Variants in SEMA3D observed in about 807,000 individuals in gnomAD.
SEMA3D encodes the protein semaphorin 3D.
Under a neutral mutation model 100.1 loss-of-function variants are expected in SEMA3D, and 84 were observed. The ratio of observed to expected loss-of-function variants is 0.84; its 90% CI spans 0.70 to 1.01. SEMA3D has a LOEUF of 1.01. Among genes scored for constraint, SEMA3D ranks in the 50% least tolerant of loss-of-function variants. SEMA3D has a pLI of 0.00. For missense variants in SEMA3D, 875 were observed against 934.1 expected, an observed-to-expected ratio of 0.94 and a Z score of 0.82; for synonymous variants, 312 against 320.7, an observed-to-expected ratio of 0.97 and a Z score of 0.29.
chr7:85,012,298 T>C (rs1255558194), intron 17 of SEMA3D, among the ~76,000 whole-genome samples: 1 of 151,768 alleles, frequency 6.6e-6, no homozygotes, highest in Non-Finnish European at 1.5e-5. Context: ...TACATGCACA[T>C]GGAAGTCGCT....
chr7:85,100,312 C>CTT (rs61378869), intron 3 of SEMA3D, among the ~76,000 whole-genome samples: 37,669 of 142,418 alleles, frequency 0.26, 5,018 homozygotes, highest in East Asian at 0.38. Flanking sequence ...GTTGATTTTT[C>CTT]TTTTTTTTTT....
the SEMA3D span, among the ~76,000 whole-genome samples, chr7:85,241,946 A>AC: frequency 6.6e-6 from 1 of 152,100 alleles, no homozygotes; most frequent in Admixed American, 6.6e-5. Flanking sequence ...AGAAAAGGGA[A>AC]CCGCTGTACA....
intron 3 of SEMA3D, among the ~76,000 whole-genome samples, chr7:85,116,299 T>TATGTATATATTTATATATATTTATATAA (rs1304711426): frequency 2.7e-5 from 4 of 146,710 alleles, no homozygotes; most frequent in East Asian, 2.0e-4. Flanking sequence ...ACAATTTATA[T>TATGTATATATTTATATATATTTATATAA]ATGTATATAT....
chr7:85,229,105 A>T, the SEMA3D span, among the ~76,000 whole-genome samples: 1 of 152,018 alleles, frequency 6.6e-6, no homozygotes, highest in Non-Finnish European at 1.5e-5. Context: ...TTTATTTACC[A>T]TAAGAAGATA....
At chr7:85,013,174 T>G (rs2115792097) in intron 16 of SEMA3D, among the ~76,000 whole-genome samples, 1 of 151,864 alleles carries the variant, frequency 6.6e-6, no homozygotes, top group South Asian at 2.1e-4. Flanking sequence ...AAAATGAGGA[T>G]AGCTACTCTC....
At chr7:85,029,958 AC>A (rs1790499947) in intron 12 of SEMA3D, among the ~76,000 whole-genome samples, 1 of 151,912 alleles carries the variant, frequency 6.6e-6, no homozygotes, top group Non-Finnish European at 1.5e-5. Context: ...ACAAAAGAAA[AC>A]TAACCACAAC....
At chr7:85,231,435 C>CTTTTT in the SEMA3D span, among the ~76,000 whole-genome samples, 1 of 137,858 alleles carries the variant, frequency 7.3e-6, no homozygotes. Context: ...CCAATCTTTC[C>CTTTTT]CTTTTTTTTT....
At chr7:85,061,912 G>A (rs1791488830) in intron 8 of SEMA3D, among the ~76,000 whole-genome samples, 1 of 152,118 alleles carries the variant, frequency 6.6e-6, no homozygotes, top group South Asian at 2.1e-4. Context: ...CTCCCTCATT[G>A]CTTGCGGAAC....
Position 85,126,368 on chromosome 7 carries a change from T to C in SEMA3D, c.-40-4437A>G, listed in dbSNP as rs1249314242. 2.9e-5 allele frequency among the ~76,000 whole-genome samples: 4 copies of C among 139,514 alleles called. No individual in the cohort carries two copies. In the East Asian group the frequency reaches 9.0e-4, roughly 32 times the overall value. The allele number at this position is 139,514 out of a possible 152,430, so 91.5% of individuals were successfully genotyped here. A position where few individuals can be genotyped will look rare whatever the true frequency, so the allele number is the denominator to read the frequency against. On this transcript the variant is annotated intron_variant, in intron 2 of 18. Transcript: ENST00000284136. The stretch of plus-strand genomic sequence containing the variant: ...AATCTAGAACACTTAGATTTAGGAT[T>C]CTTTCTCGTGTGTGTGTGTGTGTGT...
intron 2 of SEMA3D, among the ~76,000 whole-genome samples, chr7:85,143,901 G>A (rs1790127169): frequency 6.6e-6 from 1 of 151,844 alleles, no homozygotes; most frequent in Admixed American, 6.6e-5. Flanking sequence ...AGTAGAGACG[G>A]GGTTTCACCA....
intron 2 of SEMA3D, among the ~76,000 whole-genome samples, chr7:85,143,834 C>T (rs1178657805): frequency 2.6e-5 from 4 of 151,650 alleles, no homozygotes; most frequent in Non-Finnish European, 5.9e-5. Flanking sequence ...CTTCAGCCTC[C>T]CGAGTAGCTG....
At position 85,036,952 on chromosome 7, in the gene SEMA3D, CT is replaced by C. The variant is rs1343959785; in HGVS notation, c.1127del (p.Lys376ArgfsTer31). ...GCACCCAACGATGGTCTGCACTTTC[CT>C]TATGAGCATATGGACCATTAAAAAC... is the stretch of plus-strand genomic sequence containing the variant. ...RAVFNGPYAH[K>X]ESADHRWVQY... On this transcript the variant is annotated frameshift_variant, in exon 12 of 19. Transcript: ENST00000284136. LOFTEE classifies it high-confidence loss of function. 1 of 1,613,458 alleles carries C rather than the reference CT, an allele frequency of 6.2e-7. No individual in the cohort carries two copies. The highest frequency in any genetic ancestry group is 8.5e-7 in the Non-Finnish European group (1 of 1,179,564).
At chr7:85,015,361 A>T in intron 15 of SEMA3D, 145 bp from the exon 16 acceptor site, 2 of 631,146 alleles carry the variant, frequency 3.2e-6, no homozygotes, top group Middle Eastern at 2.8e-4. Flanking sequence ...AAACATAATG[A>T]GGAGTAAAAT....
the SEMA3D span, among the ~76,000 whole-genome samples, chr7:85,218,264 C>G: frequency 1.3e-5 from 2 of 152,006 alleles, no homozygotes; most frequent in Admixed American, 1.3e-4. Context: ...TAAAAACTAT[C>G]AAAATGTATT....
At chr7:85,181,861 A>T (rs1480415601) in intron 1 of SEMA3D, 2 of 349,846 alleles carry the variant, frequency 5.7e-6, no homozygotes, top group Non-Finnish European at 8.0e-6. Flanking sequence ...AGCATCCAAT[A>T]TTAATAATGA....
the SEMA3D span, among the ~76,000 whole-genome samples, chr7:85,228,265 T>C: frequency 6.6e-6 from 1 of 152,178 alleles, no homozygotes; most frequent in South Asian, 2.1e-4. Flanking sequence ...TACAAAGTCA[T>C]GGTTAAATAA....
chr7:84,999,225 A>G lies in SEMA3D; in HGVS notation c.*215T>C. On this transcript the variant is annotated 3_prime_UTR_variant, in exon 19 of 19. Coordinates refer to ENST00000284136, the MANE Select transcript of SEMA3D (RefSeq NM_001384900.1). Reference sequence around the variant, plus strand: ...ACCCCCTATTTTTAGGATAATTCTTATACTTTGCTTGTGCAAGATTTGTTC... The same window carrying G: ...ACCCCCTATTTTTAGGATAATTCTTGTACTTTGCTTGTGCAAGATTTGTTC... 1.8e-6 allele frequency: 1 copy of G among 558,930 alleles called. No individual in the cohort carries two copies. The highest frequency in any genetic ancestry group is 3.2e-6 in the Non-Finnish European group (1 of 315,950). The allele number at this position is 558,930 out of a possible 1,614,324, so 34.6% of individuals were successfully genotyped here. A position where few individuals can be genotyped will look rare whatever the true frequency, so the allele number is the denominator to read the frequency against.
chr7:85,006,656 T>C (rs1370253754), intron 18 of SEMA3D, 146 bp downstream of exon 18: 7 of 542,652 alleles, frequency 1.3e-5, no homozygotes, highest in Non-Finnish European at 2.1e-5. Context: ...CTCAAAGCTA[T>C]TGTTACCTTT....
intron 12 of SEMA3D, chr7:85,028,071 A>T (rs1055731847): frequency 1.6e-6 from 1 of 608,660 alleles, no homozygotes; most frequent in South Asian, 1.6e-5. Flanking sequence ...TGATGATGCC[A>T]TTGTCCAGTT....
Sources: gnomAD v4.1 joint callset for allele counts (sites outside exome capture counted in the v4.1 genomes callset) on GRCh38, gnomAD v4.1.1 for gene constraint, MANE v1.5 for transcripts, NCBI Gene and HGNC (gene_info 2026-07-23, HGNC 2026-07-21) for gene names.